The following AGBL4 variants were observed in gnomAD, a reference collection of about 807,000 sequenced individuals.
AGBL4 encodes the protein AGBL carboxypeptidase 4.
Under a neutral mutation model 66.4 loss-of-function variants are expected in AGBL4, and 58 were observed. The ratio of observed to expected loss-of-function variants is 0.87; its 90% CI spans 0.71 to 1.09. The LOEUF (loss-of-function observed/expected upper bound fraction) is 1.09. Ranked by LOEUF, AGBL4 falls within the 50% of genes least tolerant of loss-of-function variation. The pLI is 0.00. For missense variants in AGBL4, 579 were observed against 631.0 expected (o/e 0.92, Z 0.88); for synonymous variants, 234 against 222.9 (o/e 1.05, Z -0.44).
chr1:49,604,013 C>T (rs199790144), intron 3 of AGBL4, among the ~76,000 whole-genome samples: 11 of 150,790 alleles, frequency 7.3e-5, no homozygotes, highest in South Asian at 4.2e-4. Context: ...ATATTTGCAA[C>T]GGTGAATTGT....
Position 48,998,462 on chromosome 1 carries a change from C to T in AGBL4, c.594+47122G>A, listed in dbSNP as rs563559408. 7.9e-5 allele frequency among the ~76,000 whole-genome samples: 12 copies of T among 152,250 alleles called. No individual in the cohort carries two copies. In the South Asian group the frequency reaches 1.9e-3, roughly 24 times the overall value. On this transcript the variant is annotated intron_variant, in intron 5 of 13. Transcript: ENST00000371839. ...CCTCCTTTTCTGGGCATGTCTAAAC[C>T]ACATTTCCTATGAACATTCTCACTG...
At chr1:49,815,940 G>T (rs1297228093) in intron 2 of AGBL4, among the ~76,000 whole-genome samples, 4 of 151,996 alleles carry the variant, frequency 2.6e-5, no homozygotes, top group East Asian at 3.9e-4. Context: ...GCCCAGGATG[G>T]ATTGCAATGA....
intron 7 of AGBL4, among the ~76,000 whole-genome samples, chr1:48,654,642 A>G (rs1242565758): frequency 6.6e-6 from 1 of 152,212 alleles, no homozygotes; most frequent in Non-Finnish European, 1.5e-5. Context: ...GGTTTGATAG[A>G]TGGCAGGAGG....
chr1:49,992,380 A>C (rs1660023658), intron 1 of AGBL4, among the ~76,000 whole-genome samples: 1 of 151,938 alleles, frequency 6.6e-6, no homozygotes, highest in Non-Finnish European at 1.5e-5. Context: ...TCAAAAAAAA[A>C]AAAAAAAAAT....
At chr1:49,972,212 G>C (rs1658190320) in intron 1 of AGBL4, among the ~76,000 whole-genome samples, 1 of 151,844 alleles carries the variant, frequency 6.6e-6, no homozygotes, top group South Asian at 2.1e-4. Flanking sequence ...CCCGGCCCAA[G>C]TGCAGGTTTT....
chr1:49,805,301 T>C (rs370595523), intron 2 of AGBL4, among the ~76,000 whole-genome samples: 30 of 152,292 alleles, frequency 2.0e-4, no homozygotes, highest in African/African-American at 7.2e-4. Flanking sequence ...AACTGGAGGT[T>C]ATTAATGAAC....
chr1:49,524,097 A>G (rs1280692868), intron 3 of AGBL4, among the ~76,000 whole-genome samples: 1 of 152,078 alleles, frequency 6.6e-6, no homozygotes, highest in Non-Finnish European at 1.5e-5. Flanking sequence ...TAAGTATATT[A>G]TGCATTATTT....
chr1:49,919,252 A>C lies in AGBL4; in HGVS notation c.35-67734T>G, dbSNP rs142456773. 2.8e-3 allele frequency among the ~76,000 whole-genome samples: 433 copies of C among 152,316 alleles called. 11 individuals carry two copies. In the East Asian group the frequency reaches 0.075, roughly 26 times the overall value. On this transcript the variant is annotated intron_variant, in intron 1 of 13. Coordinates refer to ENST00000371839, the MANE Select transcript of AGBL4 (RefSeq NM_032785.4). The stretch of plus-strand genomic sequence containing the variant: ...CTGGCCAGGGCAATCAGGCAGGAGA[A>C]AGAAATAAAGGGGATTCAATTAGGA...
At chr1:49,748,587 C>T (rs1233693646) in intron 2 of AGBL4, among the ~76,000 whole-genome samples, 1 of 152,212 alleles carries the variant, frequency 6.6e-6, no homozygotes, top group African/African-American at 2.4e-5. Context: ...AATCGCCACA[C>T]AGTCTTCCAC....
chr1:49,839,138 A>G (rs573791675), intron 2 of AGBL4, among the ~76,000 whole-genome samples: 2 of 152,250 alleles, frequency 1.3e-5, no homozygotes, highest in Non-Finnish European at 2.9e-5. Flanking sequence ...CTCCTTGTTA[A>G]GAAAGCAGAG....
chr1:48,696,585 C>T (rs1279044030), intron 6 of AGBL4, among the ~76,000 whole-genome samples: 4 of 152,216 alleles, frequency 2.6e-5, no homozygotes, highest in African/African-American at 9.6e-5. Flanking sequence ...CCCACCACTA[C>T]TACCACCACC....
intron 4 of AGBL4, among the ~76,000 whole-genome samples, chr1:49,068,727 A>G (rs1644540655): frequency 6.6e-6 from 1 of 152,120 alleles, no homozygotes; most frequent in Non-Finnish European, 1.5e-5. Flanking sequence ...ATGATTTATA[A>G]TCCTTTGGGT....
intron 6 of AGBL4, among the ~76,000 whole-genome samples, chr1:48,852,527 T>C (rs1647056763): frequency 6.6e-6 from 1 of 152,160 alleles, no homozygotes; most frequent in African/African-American, 2.4e-5. Flanking sequence ...GCCAAGTGTG[T>C]AAAGAACTGT....
chr1:49,621,170 C>T (rs1645353456), intron 3 of AGBL4, among the ~76,000 whole-genome samples: 2 of 152,098 alleles, frequency 1.3e-5, no homozygotes, highest in Non-Finnish European at 2.9e-5. Context: ...AGTACTTGAA[C>T]ATAAATTTAA....
At chr1:49,146,564 G>C (rs995596257) in intron 4 of AGBL4, among the ~76,000 whole-genome samples, 6 of 152,196 alleles carry the variant, frequency 3.9e-5, no homozygotes, top group Non-Finnish European at 7.3e-5. Flanking sequence ...ACCTAGCTGA[G>C]AGAAAAACTC....
chr1:49,148,832 T>C (rs971293865), intron 4 of AGBL4, among the ~76,000 whole-genome samples: 5 of 152,228 alleles, frequency 3.3e-5, no homozygotes, highest in African/African-American at 1.2e-4. Flanking sequence ...CCAGAACTTA[T>C]GGTTATGGGC....
intron 1 of AGBL4, among the ~76,000 whole-genome samples, chr1:49,976,974 C>A (rs1658612562): frequency 6.6e-6 from 1 of 152,198 alleles, no homozygotes. Flanking sequence ...CCAATTTACT[C>A]AATATACACA....
intron 11 of AGBL4, among the ~76,000 whole-genome samples, chr1:48,559,193 G>T (rs1253117808): frequency 1.3e-5 from 2 of 152,138 alleles, no homozygotes; most frequent in Non-Finnish European, 2.9e-5. Context: ...ACTGCTGATG[G>T]CTGTCCTTTT....
At chr1:49,912,461 C>G (rs1306394616) in intron 1 of AGBL4, among the ~76,000 whole-genome samples, 1 of 152,132 alleles carries the variant, frequency 6.6e-6, no homozygotes, top group East Asian at 1.9e-4. Context: ...GTAACATTAC[C>G]AAACATTATT....
Sources: allele counts gnomAD v4.1 joint callset (sites outside exome capture counted in the v4.1 genomes callset), GRCh38; gene constraint gnomAD v4.1.1; transcripts MANE v1.5; gene names NCBI Gene and HGNC (gene_info 2026-07-23, HGNC 2026-07-21).